STK32B: variants seen among roughly 807,000 people sequenced by gnomAD.
STK32B encodes serine/threonine-protein kinase 32B.
In STK32B, 43 loss-of-function variants were observed where a neutral mutation model predicts 52.6. That is an observed-to-expected ratio of 0.82 (90% CI 0.64 to 1.05). STK32B has a LOEUF of 1.05. Among genes scored for constraint, STK32B ranks in the 50% least tolerant of loss-of-function variants. The probability of loss-of-function intolerance (pLI) is 0.00; values close to 1 mark genes in which losing one functional copy is unlikely to be tolerated. For missense variants in STK32B, 621 were observed against 534.6 expected, an observed-to-expected ratio of 1.16 and a Z score of -1.59; for synonymous variants, 238 against 204.3, an observed-to-expected ratio of 1.17 and a Z score of -1.41.
intron 2 of STK32B, among the ~76,000 whole-genome samples, chr4:5,151,921 C>T (rs1261384724): frequency 6.6e-6 from 1 of 152,176 alleles, no homozygotes; most frequent in Non-Finnish European, 1.5e-5. Flanking sequence ...GCCCCCTCCT[C>T]ATGTCACTGT....
At chr4:5,070,654 G>A (rs1212275119) in intron 1 of STK32B, among the ~76,000 whole-genome samples, 2 of 152,104 alleles carry the variant, frequency 1.3e-5, no homozygotes, top group Non-Finnish European at 2.9e-5. Context: ...CTTGTGAAGA[G>A]GTGAAATTTG....
At chr4:5,173,903 A>G (rs910013756) in intron 3 of STK32B, among the ~76,000 whole-genome samples, 20 of 152,094 alleles carry the variant, frequency 1.3e-4, no homozygotes, top group African/African-American at 4.6e-4. Context: ...TGACAGTGGG[A>G]TGTTAAAGTC....
chr4:5,331,753 C>A (rs189223594), intron 4 of STK32B, among the ~76,000 whole-genome samples: 26 of 152,110 alleles, frequency 1.7e-4, no homozygotes, highest in African/African-American at 4.8e-4. Context: ...ATTCTACTCT[C>A]TTTTTTTCTG....
intron 3 of STK32B, among the ~76,000 whole-genome samples, chr4:5,277,059 C>A (rs1237715952): frequency 6.6e-6 from 1 of 152,204 alleles, no homozygotes. Flanking sequence ...AGTTCATTCT[C>A]CCTGACTCCA....
At chr4:5,379,950 C>G (rs1735834208) in intron 4 of STK32B, among the ~76,000 whole-genome samples, 1 of 152,202 alleles carries the variant, frequency 6.6e-6, no homozygotes, top group South Asian at 2.1e-4. Context: ...GACTGCCAAG[C>G]TGGGAACAGT....
intron 3 of STK32B, among the ~76,000 whole-genome samples, chr4:5,257,431 T>C (rs1423832517): frequency 6.6e-6 from 1 of 152,180 alleles, no homozygotes; most frequent in Admixed American, 6.5e-5. Context: ...GAGTGAGTGA[T>C]GAGTGGATGG....
chr4:5,301,813 G>A (rs10024183), intron 3 of STK32B, among the ~76,000 whole-genome samples: 47,382 of 146,010 alleles, frequency 0.32, 12,458 homozygotes, highest in African/African-American at 0.73. Flanking sequence ...TCTAATCTTT[G>A]TCATTTCCTT....
rs1332963351 is a variant in STK32B, at chr4:5,115,483, A to G, written c.53-24422A>G. On this transcript the variant is annotated intron_variant, in intron 1 of 11. Transcript: ENST00000282908. ...GGCACACATGAGCATCTGAACAAAG[A>G]CAAAGGAGAAAAGCAAAGACAGAAG... Among the ~76,000 whole-genome samples the G allele has an allele frequency of 5.9e-5, 9 of 152,200 alleles. No homozygotes were observed. In the East Asian group the frequency reaches 1.7e-3, roughly 29 times the overall value.
chr4:5,268,307 C>A (rs1199696689), intron 3 of STK32B, among the ~76,000 whole-genome samples: 1 of 152,160 alleles, frequency 6.6e-6, no homozygotes, highest in Non-Finnish European at 1.5e-5. Context: ...TTATATACTG[C>A]AAATGTGCTA....
rs141638209 is a variant in STK32B, at chr4:5,091,076, G to A, written c.52+39161G>A. On this transcript the variant is annotated intron_variant, in intron 1 of 11. Coordinates refer to ENST00000282908, the MANE Select transcript of STK32B (RefSeq NM_018401.3). ...ATTAACACCAATCGTTCTCAAATTC[G>A]TTGAAAAATATAAAAGGAGGAAACA... Among the ~76,000 whole-genome samples, 448 of 152,158 alleles carry A rather than the reference G, an allele frequency of 2.9e-3. 2 individuals are homozygous for A. The highest frequency in any genetic ancestry group is 0.01 in the African/African-American group (427 of 41,508).
chr4:5,315,924 C>A (rs531477108), intron 3 of STK32B, among the ~76,000 whole-genome samples: 1 of 150,556 alleles, frequency 6.6e-6, no homozygotes, highest in Non-Finnish European at 1.5e-5. Flanking sequence ...AAGCTGATCT[C>A]GAACTCCTGA....
At chr4:5,323,980 A>G (rs1292881460) in intron 3 of STK32B, among the ~76,000 whole-genome samples, 1 of 152,188 alleles carries the variant, frequency 6.6e-6, no homozygotes, top group African/African-American at 2.4e-5. Flanking sequence ...TCTGAACCTC[A>G]TGGTCTTGAG....
chr4:5,226,095 T>C (rs1407602993), intron 3 of STK32B, among the ~76,000 whole-genome samples: 6 of 152,164 alleles, frequency 3.9e-5, no homozygotes, highest in African/African-American at 1.4e-4. Context: ...AATAAGGACA[T>C]TTTCAGTTGT....
intron 4 of STK32B, among the ~76,000 whole-genome samples, chr4:5,340,907 C>G (rs1206069710): frequency 6.6e-6 from 1 of 152,118 alleles, no homozygotes; most frequent in Non-Finnish European, 1.5e-5. Flanking sequence ...ATCCTCACAG[C>G]AATAAAATGA....
chr4:5,257,273 AAGTG>A (rs902397886), intron 3 of STK32B, among the ~76,000 whole-genome samples: 12 of 151,272 alleles, frequency 7.9e-5, no homozygotes, highest in South Asian at 2.1e-4. Flanking sequence ...GTGAATGATG[AAGTG>A]AGTGAGTAAA....
intron 3 of STK32B, among the ~76,000 whole-genome samples, chr4:5,268,541 GTGTGTGTGTGT>G (rs1560274139): frequency 2.9e-4 from 2 of 6,788 alleles, no homozygotes; most frequent in African/African-American, 3.5e-3. Context: ...TTGGTGTGGT[GTGTGTGTGTGT>G]GTGTGTGTGT....
At chr4:5,164,011 G>A (rs1718665296) in intron 2 of STK32B, among the ~76,000 whole-genome samples, 1 of 152,194 alleles carries the variant, frequency 6.6e-6, no homozygotes, top group African/African-American at 2.4e-5. Context: ...GGTAGGGCCG[G>A]TTCTGTAGAC....
rs984100988 is a variant in STK32B at position 5,469,517 on chromosome 4, G to T, written c.1106+1447G>T. ...TGCCGCAGGGCCTAGAGAGTGAGGA[G>T]AGGTGAGGGATGGGGCAGGGATGGG... On this transcript the variant is annotated intron_variant, in intron 11 of 11. Transcript: ENST00000282908. The surrounding 1 kb of genome is among the most constrained non-coding windows in gnomAD (Gnocchi z 4.7). 6.6e-6 allele frequency among the ~76,000 whole-genome samples: 1 copy of T among 152,220 alleles called. No homozygotes were observed. Among genetic ancestry groups the T allele is most frequent in the Non-Finnish European group, 1.5e-5 (1 of 68,052 alleles).
intron 1 of STK32B, among the ~76,000 whole-genome samples, chr4:5,122,101 C>T (rs961061002): frequency 2.6e-5 from 4 of 152,118 alleles, no homozygotes; most frequent in Non-Finnish European, 5.9e-5. Flanking sequence ...TTTACTCACT[C>T]ATTCACTTAC....
Sources: gnomAD v4.1 joint callset for allele counts (sites outside exome capture counted in the v4.1 genomes callset) on GRCh38, gnomAD v4.1.1 for gene constraint, Gnocchi (gnomAD v3.1) non-coding constraint, MANE v1.5 for transcripts, NCBI Gene and HGNC (gene_info 2026-07-23, HGNC 2026-07-21) for gene names.